Variants in TAMM41 observed in about 807,000 individuals in gnomAD.
TAMM41 encodes phosphatidate cytidylyltransferase, mitochondrial.
A neutral mutation model predicts 44.1 loss-of-function variants in TAMM41; 36 were observed. That is an observed-to-expected ratio of 0.82 (90% CI 0.63 to 1.08). The LOEUF (loss-of-function observed/expected upper bound fraction) is 1.08. Among genes scored for constraint, TAMM41 ranks in the 50% least tolerant of loss-of-function variants. The pLI is 0.00. For missense variants in TAMM41, 417 were observed against 404.3 expected, an observed-to-expected ratio of 1.03 and a Z score of -0.27; for synonymous variants, 164 against 153.1, an observed-to-expected ratio of 1.07 and a Z score of -0.53.
chr3:11,728,487 G>C, the TAMM41 span, among the ~76,000 whole-genome samples: 2 of 152,212 alleles, frequency 1.3e-5, no homozygotes, highest in Admixed American at 1.3e-4. Flanking sequence ...AGCATTAACA[G>C]TGCTAGGTAC....
chr3:11,790,621 T>C, intron 7 of TAMM41, 40 bp from the exon 8 acceptor site: 1 of 1,537,170 alleles, frequency 6.5e-7, no homozygotes, highest in Non-Finnish European at 9.0e-7. Flanking sequence ...GATGGAGGCT[T>C]GTTGAGTGGA....
the TAMM41 span, among the ~76,000 whole-genome samples, chr3:11,739,275 G>A: frequency 3.9e-5 from 6 of 152,158 alleles, no homozygotes; most frequent in East Asian, 3.9e-4. Flanking sequence ...TAAGGTCCTC[G>A]TGTTTGCAGC....
intron 7 of TAMM41, among the ~76,000 whole-genome samples, chr3:11,806,445 G>A (rs1197242833): frequency 6.6e-6 from 1 of 152,034 alleles, no homozygotes; most frequent in Non-Finnish European, 1.5e-5. Flanking sequence ...AAAAACAGGA[G>A]CATTCAGAGA....
the TAMM41 span, among the ~76,000 whole-genome samples, chr3:11,780,178 G>A: frequency 6.6e-6 from 1 of 152,166 alleles, no homozygotes; most frequent in Non-Finnish European, 1.5e-5. Context: ...TTGCTCTGGG[G>A]ATAACAATGA....
chr3:11,738,922 A>G, the TAMM41 span, among the ~76,000 whole-genome samples: 9 of 152,298 alleles, frequency 5.9e-5, no homozygotes, highest in East Asian at 1.7e-3. Flanking sequence ...GACCAAGTCC[A>G]AGTTCTTAGC....
At chr3:11,749,259 C>A in the TAMM41 span, among the ~76,000 whole-genome samples, 2 of 152,144 alleles carry the variant, frequency 1.3e-5, no homozygotes, top group Non-Finnish European at 2.9e-5. Flanking sequence ...AGCAAAGAGG[C>A]TCGGATTTGT....
intron 3 of TAMM41, among the ~76,000 whole-genome samples, chr3:11,838,561 A>G (rs2125056585): frequency 6.6e-6 from 1 of 152,312 alleles, no homozygotes; most frequent in South Asian, 2.1e-4. Flanking sequence ...TATGAAGGAC[A>G]CAACTGAGGA....
At chr3:11,829,635 C>A in intron 4 of TAMM41, 79 bp downstream of exon 4, 1 of 1,516,150 alleles carries the variant, frequency 6.6e-7, no homozygotes, top group Non-Finnish European at 9.1e-7. Context: ...AGCTCCAGGG[C>A]CGAGTGAGAA....
chr3:11,743,021 C>T, the TAMM41 span, among the ~76,000 whole-genome samples: 4 of 152,102 alleles, frequency 2.6e-5, no homozygotes, highest in Non-Finnish European at 4.4e-5. Flanking sequence ...GAGTGTAGGC[C>T]CCCCCAACCA....
intron 2 of TAMM41, among the ~76,000 whole-genome samples, chr3:11,839,780 AG>A (rs2079353235): frequency 6.6e-6 from 1 of 152,264 alleles, no homozygotes; most frequent in South Asian, 2.1e-4. Flanking sequence ...CCACAAGATT[AG>A]GGTTATGGGA....
At chr3:11,798,648 TTAAAA>T (rs937724641) in intron 7 of TAMM41, among the ~76,000 whole-genome samples, 4 of 151,784 alleles carry the variant, frequency 2.6e-5, no homozygotes, top group African/African-American at 7.3e-5. Context: ...TACCCCAAAC[TTAAAA>T]TAAAAGTTAA....
At chr3:11,786,051 A>G (rs1443317301), downstream of TAMM41, among the ~76,000 whole-genome samples, 1 of 151,910 alleles carries the variant, frequency 6.6e-6, no homozygotes, top group African/African-American at 2.4e-5. Flanking sequence ...TCTTCTGAAA[A>G]CTTAATGACT....
intron 7 of TAMM41, among the ~76,000 whole-genome samples, chr3:11,805,990 G>C (rs1448746013): frequency 6.6e-6 from 1 of 152,198 alleles, no homozygotes; most frequent in East Asian, 1.9e-4. Context: ...AGTGTTACGA[G>C]ATCTGATGGT....
chr3:11,786,353 G>A (rs139452902), downstream of TAMM41, among the ~76,000 whole-genome samples: 89 of 149,842 alleles, frequency 5.9e-4, no homozygotes, highest in East Asian at 0.013. Flanking sequence ...CACTTAGGCC[G>A]GAGTACAGTG....
chr3:11,811,616 A>G (rs2078088580), intron 5 of TAMM41: 1 of 152,252 alleles, frequency 6.6e-6, no homozygotes, highest in Non-Finnish European at 1.5e-5. Context: ...GCATTCAGCT[A>G]AACTGTGAAA....
chr3:11,787,881 A>G (rs531864312), downstream of TAMM41, among the ~76,000 whole-genome samples: 1 of 152,366 alleles, frequency 6.6e-6, no homozygotes, highest in East Asian at 1.9e-4. Flanking sequence ...ACTCCCGAAG[A>G]GTTCCACTTC....
chr3:11,754,778 ATCT>A, the TAMM41 span, among the ~76,000 whole-genome samples: 1 of 134,134 alleles, frequency 7.5e-6, no homozygotes, highest in Non-Finnish European at 1.5e-5. Flanking sequence ...CACTGGCATG[ATCT>A]TCTGCCTCCC....
At position 11,833,190 on chromosome 3, in the gene TAMM41, G is replaced by A. The variant is rs1203900527; in HGVS notation, c.412-3326C>T. On this transcript the variant is annotated intron_variant, in intron 3 of 7. Coordinates refer to ENST00000455809, the MANE Select transcript of TAMM41 (RefSeq NM_001284401.2). ...AAAGTGCTCAGATTTGTGAATAGCT[G>A]TTTGTATCTTACTGGGAATGCCCCG... 3.2e-6 allele frequency: 4 copies of A among 1,269,628 alleles called. No homozygotes were observed. In the African/African-American group the frequency reaches 4.6e-5, roughly 15 times the overall value. 78.6% of individuals were successfully genotyped at this position (1,269,628 alleles called of 1,614,324 possible).
the TAMM41 span, among the ~76,000 whole-genome samples, chr3:11,725,425 TTCCTCCTCC>T: frequency 1.5e-5 from 1 of 68,060 alleles, no homozygotes; most frequent in Non-Finnish European, 2.9e-5. Flanking sequence ...TTCTTCTTCT[TTCCTCCTCC>T]TCCTCCTCCT....
Sources: gnomAD v4.1 joint callset for allele counts (sites outside exome capture counted in the v4.1 genomes callset) on GRCh38, gnomAD v4.1.1 for gene constraint, MANE v1.5 for transcripts, NCBI Gene and HGNC (gene_info 2026-07-23, HGNC 2026-07-21) for gene names.